PRKCG: variants seen among roughly 807,000 people sequenced by gnomAD.
The protein encoded by PRKCG is protein kinase C gamma type.
In PRKCG, 28 loss-of-function variants were observed where a neutral mutation model predicts 82.0. The observed-to-expected ratio is 0.34, with a 90% confidence interval of 0.25 to 0.47. The LOEUF (loss-of-function observed/expected upper bound fraction) is 0.47, where lower values mean the gene tolerates loss of function less well. PRKCG is among the 20% of genes least tolerant of loss of function. The pLI is 1.00. For missense variants in PRKCG, 640 were observed against 952.7 expected, an observed-to-expected ratio of 0.67 and a Z score of 4.32; for synonymous variants, 383 against 376.6, an observed-to-expected ratio of 1.02 and a Z score of -0.20.
intron 9 of PRKCG, among the ~76,000 whole-genome samples, chr19:53,894,226 C>T (rs1487979790): frequency 5.3e-5 from 8 of 151,512 alleles, no homozygotes; most frequent in Admixed American, 3.9e-4. Context: ...CCACCATGCC[C>T]GGCTAATTTT....
At chr19:53,899,678 C>G (rs2068748202) in intron 11 of PRKCG, among the ~76,000 whole-genome samples, 1 of 152,118 alleles carries the variant, frequency 6.6e-6, no homozygotes, top group Non-Finnish European at 1.5e-5. Context: ...CCTCCGCCTC[C>G]CGGGTTTAAG....
intron 15 of PRKCG, among the ~76,000 whole-genome samples, chr19:53,903,662 G>A (rs1052534150): frequency 1.3e-5 from 2 of 152,138 alleles, no homozygotes; most frequent in African/African-American, 4.8e-5. Context: ...AGGGTCACAT[G>A]AGCCCAAGAA....
Position 53,883,407 on chromosome 19 carries a change from CG to C in PRKCG, c.202+215del, listed in dbSNP as rs761908154. Among the ~76,000 whole-genome samples, 4 of 150,212 alleles carry C rather than the reference CG, an allele frequency of 2.7e-5. No homozygotes were observed. In the East Asian group the frequency reaches 8.0e-4, roughly 30 times the overall value. ...TGGTGCTGGGGGCCCCTCCCTCGGCCGGCTCCAGGTGGGGACAGATATTTGG... is the reference window on the plus strand; with the variant it reads ...TGGTGCTGGGGGCCCCTCCCTCGGCCGCTCCAGGTGGGGACAGATATTTGG... On this transcript the variant is annotated intron_variant, in intron 2 of 17. Transcript: ENST00000263431. The surrounding 1 kb of genome is among the most constrained non-coding windows in gnomAD (Gnocchi z 5.4).
intron 16 of PRKCG, among the ~76,000 whole-genome samples, chr19:53,905,745 T>G: frequency 1.3e-5 from 1 of 75,528 alleles, no homozygotes; most frequent in African/African-American, 5.3e-5. Flanking sequence ...TCCCTCCCCC[T>G]ACCCTTCCCT....
chr19:53,885,660 C>T (rs185545260), intron 3 of PRKCG, among the ~76,000 whole-genome samples: 61 of 152,160 alleles, frequency 4.0e-4, no homozygotes, highest in Non-Finnish European at 7.1e-4. Flanking sequence ...GACACAAGAT[C>T]GGAGACAGTT....
At chr19:53,905,542 C>T (rs887631277) in intron 16 of PRKCG, among the ~76,000 whole-genome samples, 29 of 151,414 alleles carry the variant, frequency 1.9e-4, no homozygotes, top group Admixed American at 1.4e-3. Flanking sequence ...CCTGGGTCTC[C>T]TCTGTCTCCT....
chr19:53,896,376 GATTATT>G (rs113382850), intron 9 of PRKCG, among the ~76,000 whole-genome samples: 31,631 of 141,670 alleles, frequency 0.22, 3,802 homozygotes, highest in African/African-American at 0.32. Context: ...AAACAGCCCT[GATTATT>G]ATTATTATTA....
intron 11 of PRKCG, among the ~76,000 whole-genome samples, chr19:53,899,276 GC>G (rs1255404935): frequency 2.6e-5 from 4 of 152,138 alleles, no homozygotes; most frequent in African/African-American, 2.4e-5. Flanking sequence ...GTGGCCAGAT[GC>G]CTGTTTCCCT....
chr19:53,892,557 G>A lies in PRKCG; in HGVS notation c.735G>A (p.Trp245Ter). The change falls in exon 7 of 18, where the codon TGG becomes TGA. Residue 245 changes from tryptophan (W) to a stop codon, truncating the protein, a stop_gained. Transcript: ENST00000263431. LOFTEE classifies it high-confidence loss of function. The surrounding 1 kb of genome is among the most constrained non-coding windows in gnomAD (Gnocchi z 5.9). Reference protein sequence around the residue: ...DVERRLSVEVWDWDRTSRNDF... With the variant: ...DVERRLSVEV ...AGCGCCGGCTCAGCGTGGAGGTGTG[G>A]GACTGGGACCGGACCTCCCGCAACG... The A allele has an allele frequency of 6.2e-7, 1 of 1,613,502 alleles. No homozygotes were observed. The highest frequency in any genetic ancestry group is 8.5e-7 in the Non-Finnish European group (1 of 1,179,970).
At chr19:53,903,002 G>T (rs1009573387) in intron 14 of PRKCG, 71 bp from the exon 15 acceptor site, 3 of 1,130,202 alleles carry the variant, frequency 2.7e-6, no homozygotes, top group East Asian at 4.7e-5. Flanking sequence ...GCGCTCCCAG[G>T]GGGTGAGGCC....
In PRKCG at chr19:53,898,615, C is replaced by T; in HGVS notation, c.1268C>T (p.Thr423Ile). ...CACTTCCTCACCCAGCTCCACTCCA[C>T]CTTCCAGACCCCGGTAAGGATGGAG... ...RPHFLTQLHS[T>I]FQTPDRLYFV... The change falls in exon 11 of 18, where the codon ACC (threonine) becomes ATC (isoleucine). Residue 423 changes from threonine to isoleucine, a missense_variant. Coordinates refer to ENST00000263431, the MANE Select transcript of PRKCG (RefSeq NM_002739.5). 6.3e-7 allele frequency: 1 copy of T among 1,583,290 alleles called. No individual in the cohort carries two copies. The highest frequency in any genetic ancestry group is 8.6e-7 in the Non-Finnish European group (1 of 1,166,052).
chr19:53,899,728 AGGCTC>A (rs2068748661), intron 11 of PRKCG, among the ~76,000 whole-genome samples: 1 of 152,088 alleles, frequency 6.6e-6, no homozygotes, highest in African/African-American at 2.4e-5. Context: ...CTGGGATTAC[AGGCTC>A]CCGCCACCAC....
At chr19:53,901,377 C>G (rs1057378744) in intron 14 of PRKCG, among the ~76,000 whole-genome samples, 6 of 151,756 alleles carry the variant, frequency 4.0e-5, no homozygotes, top group African/African-American at 1.5e-4. Flanking sequence ...AACCTCATCT[C>G]TAACAAAATT....
At chr19:53,903,175 CT>C in intron 15 of PRKCG, 22 bp downstream of exon 15, 1 of 1,598,814 alleles carries the variant, frequency 6.3e-7, no homozygotes, top group Non-Finnish European at 8.6e-7. Flanking sequence ...TGGGGAGAAG[CT>C]GGCTTGGCTA....
At position 53,898,082 on chromosome 19, in the gene PRKCG, A is replaced by G; in HGVS notation, c.1063A>G (p.Met355Val). The change falls in exon 10 of 18, where the codon ATG (methionine) becomes GTG (valine). Residue 355 changes from methionine to valine, a missense_variant. By Grantham distance (21) the Met-to-Val change is conservative (BLOSUM62 1). This residue lies in a region of PRKCG where 261 missense variants were observed against 312.1 expected (regional missense o/e 0.84). Transcript: ENST00000263431. ...RLHISDFSFL[M>V]VLGKGSFGKV... ...GCACATCTCCGACTTCAGCTTCCTC[A>G]TGGTTCTAGGAAAAGGCAGTTTTGG... The G allele has an allele frequency of 3.1e-6, 5 of 1,613,842 alleles. No homozygotes were observed. Among genetic ancestry groups the G allele is most frequent in the Non-Finnish European group, 4.2e-6 (5 of 1,179,976 alleles).
At chr19:53,893,273 G>T in intron 8 of PRKCG, 89 bp from the exon 9 acceptor site, 1 of 1,448,234 alleles carries the variant, frequency 6.9e-7, no homozygotes, top group East Asian at 2.3e-5. Context: ...TATCGCCATG[G>T]CTTGAGGGTA....
intron 5 of PRKCG, among the ~76,000 whole-genome samples, 161 bp downstream of exon 5, chr19:53,890,178 C>A (rs1436931099): frequency 6.6e-6 from 1 of 152,146 alleles, no homozygotes; most frequent in African/African-American, 2.4e-5. Context: ...GCCGAGCACA[C>A]CCAGCCATAC....
At chr19:53,903,005 G>T in intron 14 of PRKCG, 68 bp from the exon 15 acceptor site, 1 of 1,180,104 alleles carries the variant, frequency 8.5e-7, no homozygotes. Context: ...CTCCCAGGGG[G>T]TGAGGCCAGA....
chr19:53,905,276 G>C (rs1017083931), intron 16 of PRKCG, among the ~76,000 whole-genome samples: 1 of 151,894 alleles, frequency 6.6e-6, no homozygotes, highest in East Asian at 1.9e-4. Context: ...GGCTCTCTGT[G>C]TTTCTTCCTT....
Sources: gnomAD v4.1 joint callset for allele counts (sites outside exome capture counted in the v4.1 genomes callset) on GRCh38, gnomAD v4.1.1 for gene constraint, gnomAD v4.1.1 regional missense constraint, Gnocchi (gnomAD v3.1) non-coding constraint, MANE v1.5 for transcripts, NCBI Gene and HGNC (gene_info 2026-07-23, HGNC 2026-07-21) for gene names.